TH: variants seen among roughly 807,000 people sequenced by gnomAD.
TH encodes tyrosine hydroxylase, also known as tyrosine 3-monooxygenase.
In TH, 49 loss-of-function variants were observed where a neutral mutation model predicts 57.4. The ratio of observed to expected loss-of-function variants is 0.85; its 90% confidence interval spans 0.68 to 1.08. The LOEUF (loss-of-function observed/expected upper bound fraction) is 1.08, where lower values mean the gene tolerates loss of function less well. Ranked by LOEUF, TH falls within the 50% of genes least tolerant of loss-of-function variation. TH has a pLI of 0.00. For synonymous variants in TH, 330 were observed against 304.5 expected (o/e 1.08, Z -0.87); for missense variants, 720 against 696.7 (o/e 1.03, Z -0.38).
chr11:2,167,648 C>G (rs1210890271), intron 5 of TH, 163 bp from the exon 6 acceptor site: 5 of 1,091,368 alleles, frequency 4.6e-6, no homozygotes, highest in Non-Finnish European at 6.6e-6. Flanking sequence ...GTGCCGTGAG[C>G]CGGCTATGTG....
Position 2,171,814 on chromosome 11 carries a change from C to A in TH, c.-28G>T. ...CTCAGTGTGGAGGTCCGGGCTCCGTCTCCACAGCCCTGGCCCAGCAGCCTC... is the reference window on the plus strand; with the variant it reads ...CTCAGTGTGGAGGTCCGGGCTCCGTATCCACAGCCCTGGCCCAGCAGCCTC... On this transcript the variant is annotated 5_prime_UTR_variant, in exon 1 of 13. Transcript: ENST00000352909. The surrounding 1 kb of genome is among the most constrained non-coding windows in gnomAD (Gnocchi z 8.6). 1 of 1,602,142 alleles carries A rather than the reference C, an allele frequency of 6.2e-7. No homozygotes were observed. The highest frequency in any genetic ancestry group is 1.1e-5 in the South Asian group (1 of 90,844).
In TH at chr11:2,170,233, A is replaced by C. The variant is rs948984811; in HGVS notation, c.91-362T>G. On this transcript the variant is annotated intron_variant, in intron 1 of 12. Coordinates refer to ENST00000352909, the MANE Select transcript of TH (RefSeq NM_000360.4). This position sits in a 1 kb window ranked among gnomAD's most constrained non-coding sequence, Gnocchi z 6.0. The stretch of plus-strand genomic sequence containing the variant: ...GTGATGGGAAGAGGGCGATGTCTTG[A>C]TGGACAGTGGCATCGGCTGCCGGGG... Among the ~76,000 whole-genome samples the C allele has an allele frequency of 1.1e-4, 17 of 152,116 alleles. No individual in the cohort carries two copies. Among genetic ancestry groups the C allele is most frequent in the African/African-American group, 3.9e-4 (16 of 41,404 alleles).
At chr11:2,168,285 G>T in intron 3 of TH, 106 bp from the exon 4 acceptor site, 1 of 1,410,934 alleles carries the variant, frequency 7.1e-7, no homozygotes, top group Non-Finnish European at 9.9e-7. Context: ...GGCAGAGGCA[G>T]CCGGGGCTGT....
chr11:2,165,572 G>T, intron 11 of TH, 96 bp downstream of exon 11: 1 of 1,407,288 alleles, frequency 7.1e-7, no homozygotes, highest in Non-Finnish European at 9.9e-7. Context: ...TGGAGGTCCA[G>T]GCCTCAGTTT....
chr11:2,169,517 C>T (rs1430831690), intron 2 of TH, 133 bp downstream of exon 2: 6 of 846,382 alleles, frequency 7.1e-6, no homozygotes, highest in Non-Finnish European at 9.7e-6. Context: ...GCCTGAGACT[C>T]CCCTGCTGCA....
chr11:2,167,064 G>A (rs1193907312), intron 6 of TH, 32 bp from the exon 7 acceptor site: 1 of 1,562,388 alleles, frequency 6.4e-7, no homozygotes, highest in South Asian at 1.2e-5. Flanking sequence ...GCCCTCTAAT[G>A]CCCCACCCCA....
In TH at chr11:2,165,998, C is replaced by G. The variant is rs747560095; in HGVS notation, c.1104+4G>C. 1 of 1,560,992 alleles carries G rather than the reference C, an allele frequency of 6.4e-7. No homozygotes were observed. The highest frequency in any genetic ancestry group is 1.4e-5 in the African/African-American group (1 of 73,976). On this transcript the variant is annotated splice_donor_region_variant and intron_variant, in intron 10 of 12. Transcript: ENST00000352909. ...CCAGGCCCTGCAGGGAGGGGTCAAC[C>G]CACCGTGGACAGCTTCTCAATTTCC... is the stretch of plus-strand genomic sequence containing the variant.
chr11:2,166,929 C>G lies in TH; in HGVS notation c.799G>C (p.Asp267His), dbSNP rs1057524283. ...ACGTCCTCCAGCTGGGGGATATTGTCTTCCCGGTAGCCGCTGAAGCGCTCC... is the reference window on the plus strand; with the variant it reads ...ACGTCCTCCAGCTGGGGGATATTGTGTTCCCGGTAGCCGCTGAAGCGCTCC... Reference protein sequence around the residue: ...LLERFSGYREDNIPQLEDVSR... With the variant: ...LLERFSGYREHNIPQLEDVSR... The change falls in exon 7 of 13, where the codon GAC becomes CAC. Residue 267 changes from aspartate (D) to histidine (H), a missense_variant. Physicochemically the swap from Asp to His is moderately conservative, Grantham distance 81. Coordinates refer to ENST00000352909, the MANE Select transcript of TH (RefSeq NM_000360.4). 17 of 1,602,294 alleles carry G rather than the reference C, an allele frequency of 1.1e-5. No homozygotes were observed. The highest frequency in any genetic ancestry group is 1.4e-5 in the Non-Finnish European group (17 of 1,175,692).
At chr11:2,166,207 C>G in intron 9 of TH, 149 bp from the exon 10 acceptor site, 1 of 977,766 alleles carries the variant, frequency 1.0e-6, no homozygotes, top group Non-Finnish European at 1.6e-6. Flanking sequence ...GGATCCGCAC[C>G]TCCACCGGGC....
chr11:2,166,950 G>A lies in TH; in HGVS notation c.778C>T (p.Arg260Cys), dbSNP rs376462928. 12 of 1,597,008 alleles carry A rather than the reference G, an allele frequency of 7.5e-6. No individual in the cohort carries two copies. In the East Asian group the frequency reaches 1.6e-4, roughly 21 times the overall value. Residue 260 changes from arginine (R) to cysteine (C), a missense_variant, in exon 7 of 13, where the codon CGC (arginine) becomes TGC (cysteine). Physicochemically the swap from Arg to Cys is radical, Grantham distance 180. Transcript: ENST00000352909. ...TTGTCTTCCCGGTAGCCGCTGAAGC[G>A]CTCCAGCAAAGCAAAGGCCTCCAGG... ...EHLEAFALLE[R>C]FSGYREDNIP... is the part of the protein sequence containing the mutation.
In TH at chr11:2,165,637, G is replaced by A. The variant is rs1337281989; in HGVS notation, c.1200+31C>T. On this transcript the variant is annotated intron_variant, in intron 11 of 12. Transcript: ENST00000352909. ...CACCGTCCCCCAGCCCTGCCCCTCT[G>A]CTGGGGGCTGCAGCAAGGAGAGACT... 5.0e-6 allele frequency: 8 copies of A among 1,607,656 alleles called. No homozygotes were observed. In the Admixed American group the frequency reaches 5.0e-5, roughly 10 times the overall value.
rs1036262773 is a variant in TH, at chr11:2,170,877, A to G, written c.90+820T>C. The G allele has an allele frequency of 4.2e-5, 26 of 623,668 alleles. No homozygotes were observed. Among genetic ancestry groups the G allele is most frequent in the Middle Eastern group, 4.2e-4 (1 of 2,360 alleles). 38.6% of individuals were successfully genotyped at this position (623,668 alleles called of 1,614,324 possible). Reference sequence around the variant, plus strand: ...CCCTGAGAAGGTACCTGGAAATGACACTGCTACAACTCACACCACATTTCA... The same window carrying G: ...CCCTGAGAAGGTACCTGGAAATGACGCTGCTACAACTCACACCACATTTCA... On this transcript the variant is annotated intron_variant, in intron 1 of 12. Transcript: ENST00000352909. This position sits in a 1 kb window ranked among gnomAD's most constrained non-coding sequence, Gnocchi z 6.0.
At position 2,168,515 on chromosome 11, in the gene TH, C is replaced by A; in HGVS notation, c.463G>T (p.Val155Leu). ...LSGVRQVSED[V>L]RSPAGPKVPW... is the part of the protein sequence containing the mutation. ...CCCTTGGGCCCCGCGGGGCTGCGCA[C>A]GTCCTCTGACACCTGGCGCACACCA... The change falls in exon 3 of 13, where the codon GTG becomes TTG. Residue 155 changes from valine (V) to leucine (L), a missense_variant. Transcript: ENST00000352909. The A allele has an allele frequency of 1.2e-6, 2 of 1,612,346 alleles. No individual in the cohort carries two copies. Among genetic ancestry groups the A allele is most frequent in the Middle Eastern group, 1.7e-4 (1 of 5,986 alleles).
Position 2,166,973 on chromosome 11 carries a change from A to G in TH, c.755T>C (p.Leu252Pro), listed in dbSNP as rs978552119. 8 of 1,594,136 alleles carry G rather than the reference A, an allele frequency of 5.0e-6. No homozygotes were observed. The highest frequency in any genetic ancestry group is 1.3e-5 in the African/African-American group (1 of 74,666). Residue 252 changes from leucine to proline, a missense_variant, in exon 7 of 13, where the codon CTG becomes CCG. By Grantham distance (98) the Leu-to-Pro change is moderately conservative. Transcript: ENST00000352909. The part of the protein sequence containing the change: ...LYATHACGEH[L>P]EAFALLERFS... ...GCGCTCCAGCAAAGCAAAGGCCTCC[A>G]GGTGCTCCCCGCAGGCGTGCGTGGC...
At position 2,166,548 on chromosome 11, in the gene TH, C is replaced by A; in HGVS notation, c.979G>T (p.Asp327Tyr). Residue 327 changes from aspartate (D) to tyrosine (Y), a missense_variant and splice_region_variant, in exon 9 of 13, where the codon GAC becomes TAC. Transcript: ENST00000352909. ...TGCCCCAGCAGCTCGTGGCAGCAGT[C>A]CCTGCGCGTAGGAGGGAGAAGGGGG... Reference protein sequence around the residue: ...ASSPMHSPEPDCCHELLGHVP... With the variant: ...ASSPMHSPEPYCCHELLGHVP... 1 of 1,601,746 alleles carries A rather than the reference C, an allele frequency of 6.2e-7. No homozygotes were observed. The highest frequency in any genetic ancestry group is 2.2e-5 in the East Asian group (1 of 44,520).
rs762057244 is a variant in TH, at chr11:2,167,418, C to G, written c.695+17G>C. The G allele has an allele frequency of 2.6e-6, 4 of 1,557,636 alleles. No homozygotes were observed. In the South Asian group the frequency reaches 3.5e-5, roughly 14 times the overall value. ...CCCCGGGCTCCTCCCCAGCCCCTAG[C>G]TGCACGGAGGTCTCACCAGGTGGCA... On this transcript the variant is annotated intron_variant, in intron 6 of 12. Transcript: ENST00000352909.
At chr11:2,167,099 T>G (rs1846120426) in intron 6 of TH, 67 bp from the exon 7 acceptor site, 8 of 1,538,988 alleles carry the variant, frequency 5.2e-6, no homozygotes, top group Non-Finnish European at 7.0e-6. Context: ...CCTCCTGAAC[T>G]GTGGGTGCCT....
At position 2,168,079 on chromosome 11, in the gene TH, C is replaced by A; in HGVS notation, c.576+12G>T. The A allele has an allele frequency of 3.7e-6, 6 of 1,611,136 alleles. No individual in the cohort carries two copies. Among genetic ancestry groups the A allele is most frequent in the Non-Finnish European group, 5.1e-6 (6 of 1,178,038 alleles). On this transcript the variant is annotated intron_variant, in intron 4 of 12. Transcript: ENST00000352909. ...AGGGGCAGGAGGCCTGAGTGAGGGG[C>A]GCACCACTCACCGGGTGGTCCAAGT...
intron 2 of TH, 75 bp downstream of exon 2, chr11:2,169,574 AG>A: frequency 7.0e-7 from 1 of 1,438,514 alleles, no homozygotes; most frequent in African/African-American, 1.4e-5. Context: ...TCTGCTATAG[AG>A]GGGTCAGGAA....
Sources: allele counts gnomAD v4.1 joint callset (sites outside exome capture counted in the v4.1 genomes callset), GRCh38; gene constraint gnomAD v4.1.1; non-coding constraint Gnocchi (gnomAD v3.1); transcripts MANE v1.5; gene names NCBI Gene and HGNC (gene_info 2026-07-23, HGNC 2026-07-21).